FBXW2: variants seen among roughly 807,000 people sequenced by gnomAD.
The protein encoded by FBXW2 is F-box/WD repeat-containing protein 2.
A neutral mutation model predicts 46.0 loss-of-function variants in FBXW2; 12 were observed. The ratio of observed to expected loss-of-function variants is 0.26; its 90% CI spans 0.17 to 0.42. The LOEUF (loss-of-function observed/expected upper bound fraction) is 0.42. Ranked by LOEUF, FBXW2 falls within the 10% of genes least tolerant of loss-of-function variation. FBXW2 has a pLI of 1.00. For synonymous variants in FBXW2, 203 were observed against 209.6 expected, an observed-to-expected ratio of 0.97 and a Z score of 0.27; for missense variants, 360 against 537.0, an observed-to-expected ratio of 0.67 and a Z score of 3.26.
At position 120,758,141 on chromosome 9, in the gene FBXW2, T is replaced by C. The variant is rs2131249459; in HGVS notation, c.*6418A>G. The C allele has an allele frequency of 6.6e-6, 1 of 152,276 alleles. No individual in the cohort carries two copies. Among genetic ancestry groups the C allele is most frequent in the East Asian group, 1.9e-4 (1 of 5,186 alleles). 9.4% of individuals were successfully genotyped at this position (152,276 alleles called of 1,614,324 possible). A position where few individuals can be genotyped will look rare whatever the true frequency, so the allele number is the denominator to read the frequency against. On this transcript the variant is annotated 3_prime_UTR_variant, in exon 8 of 8. Transcript: ENST00000608872. Reference sequence around the variant, plus strand: ...TCTACTGCAAAAGGTACAACAGTATTTATTGCTAAATGAACTGCACCACTA... The same window carrying C: ...TCTACTGCAAAAGGTACAACAGTATCTATTGCTAAATGAACTGCACCACTA...
intron 2 of FBXW2, chr9:120,792,890 T>C: frequency 6.6e-7 from 1 of 1,519,304 alleles, no homozygotes; most frequent in Non-Finnish European, 8.8e-7. Flanking sequence ...TACACACCTG[T>C]TTTCATGGCA....
At chr9:120,768,502 G>C (rs895648324) in intron 7 of FBXW2, among the ~76,000 whole-genome samples, 1 of 152,144 alleles carries the variant, frequency 6.6e-6, no homozygotes, top group African/African-American at 2.4e-5. Flanking sequence ...ATAAACAAAG[G>C]CAAGTGCAAA....
intron 7 of FBXW2, among the ~76,000 whole-genome samples, chr9:120,769,996 T>C (rs1235292530): frequency 6.6e-6 from 1 of 151,606 alleles, no homozygotes; most frequent in East Asian, 2.0e-4. Flanking sequence ...GGGTTGTAAC[T>C]TTGTGATCAG....
At chr9:120,782,464 CA>C (rs112831052) in intron 3 of FBXW2, among the ~76,000 whole-genome samples, 37 of 144,260 alleles carry the variant, frequency 2.6e-4, no homozygotes, top group East Asian at 4.1e-4. Context: ...GACTCTGTCT[CA>C]AAAAAAAAAA....
At chr9:120,768,140 C>T (rs1442355804) in intron 7 of FBXW2, among the ~76,000 whole-genome samples, 1 of 152,186 alleles carries the variant, frequency 6.6e-6, no homozygotes, top group East Asian at 1.9e-4. Context: ...GGCCTTCGAA[C>T]GGACTAGTGT....
chr9:120,769,967 T>C (rs981455010), intron 7 of FBXW2, among the ~76,000 whole-genome samples: 3 of 152,218 alleles, frequency 2.0e-5, no homozygotes, highest in Non-Finnish European at 4.4e-5. Flanking sequence ...GTTGGTCTGA[T>C]TCCAGGAAGA....
chr9:120,771,216 T>C, intron 7 of FBXW2, 132 bp downstream of exon 7: 1 of 738,004 alleles, frequency 1.4e-6, no homozygotes, highest in East Asian at 2.7e-5. Flanking sequence ...TATAACCCTG[T>C]TTACAAGTGA....
chr9:120,768,187 G>A (rs1360737358), intron 7 of FBXW2, among the ~76,000 whole-genome samples: 1 of 152,108 alleles, frequency 6.6e-6, no homozygotes, highest in Non-Finnish European at 1.5e-5. Context: ...CCCACTCCTG[G>A]TACTTAGTTA....
At position 120,758,128 on chromosome 9, in the gene FBXW2, G is replaced by A. The variant is rs2044149205; in HGVS notation, c.*6431C>T. 6.6e-6 allele frequency: 1 copy of A among 152,096 alleles called. No homozygotes were observed. Among genetic ancestry groups the A allele is most frequent in the Admixed American group, 6.5e-5 (1 of 15,272 alleles). The allele number at this position is 152,096 out of a possible 1,614,324, so 9.4% of individuals were successfully genotyped here. ...AAGTTAATAGTTGTCTACTGCAAAAGGTACAACAGTATTTATTGCTAAATG... is the reference window on the plus strand; with the variant it reads ...AAGTTAATAGTTGTCTACTGCAAAAAGTACAACAGTATTTATTGCTAAATG... On this transcript the variant is annotated 3_prime_UTR_variant, in exon 8 of 8. Coordinates refer to ENST00000608872, the MANE Select transcript of FBXW2 (RefSeq NM_012164.4).
chr9:120,790,487 A>AAAGAAAAAAAAGAAAAAAAAC (rs2044814753), intron 2 of FBXW2, among the ~76,000 whole-genome samples: 1 of 152,126 alleles, frequency 6.6e-6, no homozygotes, highest in African/African-American at 2.4e-5. Flanking sequence ...CCATCTCAAA[A>AAAGAAAAAAAAGAAAAAAAAC]AAGAAAAAAA....
At chr9:120,770,945 T>A (rs2044364385) in intron 7 of FBXW2, among the ~76,000 whole-genome samples, 1 of 152,224 alleles carries the variant, frequency 6.6e-6, no homozygotes, top group Non-Finnish European at 1.5e-5. Flanking sequence ...GGTCACTTGA[T>A]CCCTAGATAC....
intron 1 of FBXW2, 38 bp downstream of exon 1, chr9:120,793,316 G>C (rs545256666): frequency 6.9e-6 from 3 of 436,820 alleles, no homozygotes; most frequent in East Asian, 7.0e-5. Flanking sequence ...GGGCGCCTAA[G>C]AGTCCCCTCC....
At chr9:120,776,421 T>C (rs1208520718) in intron 4 of FBXW2, 195 bp from the exon 5 acceptor site, 1 of 592,866 alleles carries the variant, frequency 1.7e-6, no homozygotes, top group East Asian at 3.2e-5. Context: ...TATTCTAAGG[T>C]GGAAAGTCCT....
intron 5 of FBXW2, among the ~76,000 whole-genome samples, chr9:120,773,388 G>T (rs943739520): frequency 6.6e-6 from 1 of 152,148 alleles, no homozygotes; most frequent in African/African-American, 2.4e-5. Context: ...AAAAGCACTG[G>T]ACTTGGGACC....
At chr9:120,765,239 C>G (rs115835799) in intron 7 of FBXW2, among the ~76,000 whole-genome samples, 2,081 of 151,942 alleles carry the variant, frequency 0.014, 43 homozygotes, top group African/African-American at 0.047. Flanking sequence ...GGACTACAGA[C>G]GGCTGCCACT....
At chr9:120,774,022 T>A (rs2044436627) in intron 5 of FBXW2, among the ~76,000 whole-genome samples, 1 of 151,380 alleles carries the variant, frequency 6.6e-6, no homozygotes, top group African/African-American at 2.4e-5. Context: ...AAGACCCCCA[T>A]CTCCACACAC....
intron 4 of FBXW2, among the ~76,000 whole-genome samples, chr9:120,777,052 G>GA (rs1434316318): frequency 5.3e-5 from 8 of 152,006 alleles, no homozygotes; most frequent in African/African-American, 1.9e-4. Flanking sequence ...ATCAAGGAAA[G>GA]AAAAAAGAAT....
intron 6 of FBXW2, 123 bp downstream of exon 6, chr9:120,772,631 G>A: frequency 1.7e-6 from 1 of 582,796 alleles, no homozygotes; most frequent in Non-Finnish European, 2.9e-6. Context: ...GGTTTAAAAT[G>A]GCTTGGACTA....
Position 120,771,439 on chromosome 9 carries a change from G to A in FBXW2, c.985C>T (p.Gln329Ter). ...TTGCCATCAAAATGAAGTCTTGGCT[G>A]CAGGCAGATACTTCTATCCTCAGAG... Reference protein sequence around the residue: ...SVSEDRSICLQPRLHFDGKYI... With the variant: ...SVSEDRSICL The change falls in exon 7 of 8, where the codon CAG becomes TAG. Residue 329 changes from glutamine to a stop codon, truncating the protein, a stop_gained. Transcript: ENST00000608872. LOFTEE classifies it high-confidence loss of function. 1 of 1,614,114 alleles carries A rather than the reference G, an allele frequency of 6.2e-7. No individual in the cohort carries two copies. Among genetic ancestry groups the A allele is most frequent in the Non-Finnish European group, 8.5e-7 (1 of 1,179,956 alleles).
Sources: allele counts gnomAD v4.1 joint callset (sites outside exome capture counted in the v4.1 genomes callset), GRCh38; gene constraint gnomAD v4.1.1; transcripts MANE v1.5; gene names NCBI Gene and HGNC (gene_info 2026-07-23, HGNC 2026-07-21).